GABRB1: variants seen among roughly 807,000 people sequenced by gnomAD.
GABRB1 encodes gamma-aminobutyric acid type A receptor subunit beta1.
GABRB1 carries 17 observed loss-of-function variants against 51.6 expected under a neutral mutation model. The observed-to-expected ratio is 0.33, with a 90% CI of 0.23 to 0.49. The LOEUF (loss-of-function observed/expected upper bound fraction) is 0.49, where lower values mean the gene tolerates loss of function less well. Ranked by LOEUF, GABRB1 falls within the 20% of genes least tolerant of loss-of-function variation. The probability of loss-of-function intolerance (pLI) is 0.99; values close to 1 mark genes in which losing one functional copy is unlikely to be tolerated. For missense variants in GABRB1, 410 were observed against 600.6 expected, an observed-to-expected ratio of 0.68 and a Z score of 3.32; for synonymous variants, 247 against 218.9, an observed-to-expected ratio of 1.13 and a Z score of -1.14.
intron 4 of GABRB1, among the ~76,000 whole-genome samples, chr4:47,177,076 A>G (rs1452890168): frequency 1.3e-5 from 2 of 152,114 alleles, no homozygotes; most frequent in Non-Finnish European, 2.9e-5. Context: ...GGTCTCATGT[A>G]CTGTTTTCTC....
intron 4 of GABRB1, among the ~76,000 whole-genome samples, chr4:47,166,316 C>T (rs1718186551): frequency 6.6e-6 from 1 of 151,984 alleles, no homozygotes; most frequent in Non-Finnish European, 1.5e-5. Flanking sequence ...GCCTCCCTTT[C>T]CACCTCTTCC....
chr4:47,300,279 A>T (rs1390261591), intron 4 of GABRB1, among the ~76,000 whole-genome samples: 1 of 152,120 alleles, frequency 6.6e-6, no homozygotes, highest in Non-Finnish European at 1.5e-5. Context: ...AAGTGTTAAT[A>T]GTAAAAAAAC....
At chr4:47,005,093 G>A (rs1577816619) in intron 1 of GABRB1, among the ~76,000 whole-genome samples, 1 of 152,142 alleles carries the variant, frequency 6.6e-6, no homozygotes, top group African/African-American at 2.4e-5. Context: ...TGTCCCAGAT[G>A]CAGAAACTTT....
chr4:47,079,739 A>G (rs940415374), intron 3 of GABRB1, among the ~76,000 whole-genome samples: 1 of 151,138 alleles, frequency 6.6e-6, no homozygotes, highest in Non-Finnish European at 1.5e-5. Context: ...TCAGCAAACT[A>G]TCGCAAGGAC....
intron 5 of GABRB1, among the ~76,000 whole-genome samples, chr4:47,330,827 T>G (rs1319718807): frequency 6.6e-6 from 1 of 152,132 alleles, no homozygotes; most frequent in Non-Finnish European, 1.5e-5. Flanking sequence ...GAAAAAAATA[T>G]GAATATATAA....
chr4:47,314,956 G>A (rs1332398288), intron 4 of GABRB1, among the ~76,000 whole-genome samples: 1 of 151,908 alleles, frequency 6.6e-6, no homozygotes. Context: ...ATTCTGGACA[G>A]AGGATCTGGC....
chr4:47,362,255 C>T (rs1308241997), intron 5 of GABRB1, among the ~76,000 whole-genome samples: 1 of 151,978 alleles, frequency 6.6e-6, no homozygotes, highest in African/African-American at 2.4e-5. Flanking sequence ...CGTAGTAGTA[C>T]AAACTGTTTG....
At chr4:47,354,176 C>T (rs776290121) in intron 5 of GABRB1, among the ~76,000 whole-genome samples, 2 of 152,186 alleles carry the variant, frequency 1.3e-5, no homozygotes, top group Non-Finnish European at 2.9e-5. Context: ...GGGCAGCCCT[C>T]AACATGACCT....
intron 5 of GABRB1, among the ~76,000 whole-genome samples, chr4:47,361,963 T>A (rs922757742): frequency 6.6e-6 from 1 of 152,082 alleles, no homozygotes; most frequent in African/African-American, 2.4e-5. Flanking sequence ...GAGAGAGTTG[T>A]TAAAGCCAAT....
intron 3 of GABRB1, among the ~76,000 whole-genome samples, chr4:47,057,983 CTG>C (rs1726692343): frequency 6.6e-6 from 1 of 152,150 alleles, no homozygotes; most frequent in African/African-American, 2.4e-5. Context: ...CAGCCAAACT[CTG>C]AGCAAGAGAC....
intron 1 of GABRB1, among the ~76,000 whole-genome samples, chr4:46,999,636 C>A (rs1577811484): frequency 6.6e-6 from 1 of 152,140 alleles, no homozygotes; most frequent in Non-Finnish European, 1.5e-5. Flanking sequence ...AGAAATCATT[C>A]TCCAAAGAGC....
intron 3 of GABRB1, among the ~76,000 whole-genome samples, chr4:47,109,248 CT>C (rs1268822216): frequency 6.6e-6 from 1 of 151,904 alleles, no homozygotes; most frequent in African/African-American, 2.4e-5. Context: ...TCATTGGTGG[CT>C]TATGAATAAA....
chr4:47,201,428 A>G (rs1719892946), intron 4 of GABRB1, among the ~76,000 whole-genome samples: 1 of 152,172 alleles, frequency 6.6e-6, no homozygotes, highest in South Asian at 2.1e-4. Context: ...TGTCTTTCCA[A>G]ATTGAAAAAA....
intron 4 of GABRB1, among the ~76,000 whole-genome samples, chr4:47,204,930 A>G (rs1720053270): frequency 1.3e-5 from 2 of 152,002 alleles, no homozygotes; most frequent in Non-Finnish European, 2.9e-5. Flanking sequence ...ATCAAACACA[A>G]CTCTCTTGGC....
At chr4:47,273,059 T>C (rs1257850262) in intron 4 of GABRB1, among the ~76,000 whole-genome samples, 2 of 152,156 alleles carry the variant, frequency 1.3e-5, no homozygotes, top group African/African-American at 2.4e-5. Flanking sequence ...TTAGATTACC[T>C]ACCTACAGCA....
At chr4:47,377,010 T>C (rs1727406123) in intron 5 of GABRB1, among the ~76,000 whole-genome samples, 1 of 150,552 alleles carries the variant, frequency 6.6e-6, no homozygotes, top group Admixed American at 6.6e-5. Context: ...TATTTATTTA[T>C]CCATCTCCCT....
At chr4:47,058,724 G>A (rs1440561155) in intron 3 of GABRB1, among the ~76,000 whole-genome samples, 3 of 152,234 alleles carry the variant, frequency 2.0e-5, no homozygotes, top group Non-Finnish European at 4.4e-5. Flanking sequence ...TCCCAGTAAG[G>A]TTTCATTGGA....
intron 3 of GABRB1, among the ~76,000 whole-genome samples, chr4:47,123,786 T>G (rs1416092118): frequency 3.3e-5 from 3 of 90,422 alleles, no homozygotes; most frequent in Non-Finnish European, 5.9e-5. Context: ...TATATTATTA[T>G]ATATAATATA....
intron 5 of GABRB1, among the ~76,000 whole-genome samples, chr4:47,403,032 G>A (rs1728449902): frequency 6.6e-6 from 1 of 152,062 alleles, no homozygotes; most frequent in Non-Finnish European, 1.5e-5. Context: ...TTTAATCAAG[G>A]AATGCAAATT....
Sources: gnomAD v4.1 joint callset for allele counts (sites outside exome capture counted in the v4.1 genomes callset) on GRCh38, gnomAD v4.1.1 for gene constraint, MANE v1.5 for transcripts, NCBI Gene and HGNC (gene_info 2026-07-23, HGNC 2026-07-21) for gene names.